The following EDIL3 variants were observed in gnomAD, a reference collection of about 807,000 sequenced individuals.
EDIL3 encodes EGF like and discoidin domains 3.
A neutral mutation model predicts 67.4 loss-of-function variants in EDIL3; 37 were observed. The ratio of observed to expected loss-of-function variants is 0.55; its 90% CI spans 0.42 to 0.72. The LOEUF is 0.72. Among genes scored for constraint, EDIL3 ranks in the 30% least tolerant of loss-of-function variants. The pLI, the probability that EDIL3 is intolerant of heterozygous loss-of-function variation, is 0.00. For synonymous variants in EDIL3, 195 were observed against 196.3 expected, an observed-to-expected ratio of 0.99 and a Z score of 0.05; for missense variants, 527 against 586.3, an observed-to-expected ratio of 0.90 and a Z score of 1.04.
intron 4 of EDIL3, among the ~76,000 whole-genome samples, chr5:84,175,848 A>G (rs1228958472): frequency 1.3e-5 from 2 of 152,154 alleles, no homozygotes; most frequent in East Asian, 3.9e-4. Context: ...TCAGGCTACC[A>G]AGCAAAAATT....
intron 1 of EDIL3, among the ~76,000 whole-genome samples, chr5:84,294,882 G>GT (rs1211667977): frequency 6.6e-6 from 1 of 152,126 alleles, no homozygotes; most frequent in Middle Eastern, 3.2e-3. Flanking sequence ...TACACTGCTG[G>GT]TAAGAAGCCC....
Position 83,940,776 on chromosome 5 carries a change from G to A in EDIL3, c.*2643C>T, listed in dbSNP as rs1476920638. The A allele has an allele frequency of 3.3e-5, 5 of 151,886 alleles. No individual in the cohort carries two copies. The highest frequency in any genetic ancestry group is 6.6e-5 in the Admixed American group (1 of 15,236). The allele number at this position is 151,886 out of a possible 1,614,324, so 9.4% of individuals were successfully genotyped here. A position where few individuals can be genotyped will look rare whatever the true frequency, so the allele number is the denominator to read the frequency against. ...TTCTGCACTTAATGACACATCAGAC[G>A]CATTGAGTATATTTCATAAGTTGTT... On this transcript the variant is annotated 3_prime_UTR_variant, in exon 11 of 11. Coordinates refer to ENST00000296591, the MANE Select transcript of EDIL3 (RefSeq NM_005711.5).
In EDIL3 at chr5:84,137,271, C is replaced by T. The variant is rs1455286443; in HGVS notation, c.439G>A (p.Gly147Ser). ...LVANYSCECP[G>S]EFMGRNCQYK... is the part of the protein sequence containing the mutation. ...TGACAATTTCTTCCCATAAATTCGC[C>T]TGGGCACTCACAGGAATAGTTAGCA... is the stretch of plus-strand genomic sequence containing the variant. The change falls in exon 5 of 11, where the codon GGC becomes AGC. Residue 147 changes from glycine (G) to serine (S), a missense_variant. Physicochemically the swap from Gly to Ser is moderately conservative, Grantham distance 56. Coordinates refer to ENST00000296591, the MANE Select transcript of EDIL3 (RefSeq NM_005711.5). 6.2e-7 allele frequency: 1 copy of T among 1,613,228 alleles called. No homozygotes were observed. The highest frequency in any genetic ancestry group is 8.5e-7 in the Non-Finnish European group (1 of 1,179,812).
intron 10 of EDIL3, among the ~76,000 whole-genome samples, chr5:83,959,955 A>G (rs917436720): frequency 1.3e-5 from 2 of 151,008 alleles, no homozygotes; most frequent in East Asian, 1.9e-4. Flanking sequence ...TTTGTTTTAT[A>G]AAATTCTTTT....
intron 4 of EDIL3, 128 bp from the exon 5 acceptor site, chr5:84,137,482 T>G: frequency 1.4e-6 from 1 of 707,696 alleles, no homozygotes; most frequent in Non-Finnish European, 2.3e-6. Flanking sequence ...TAGGCATGTG[T>G]GTGTTTAGTC....
chr5:83,998,046 A>G (rs930425138), intron 9 of EDIL3, among the ~76,000 whole-genome samples: 21 of 152,128 alleles, frequency 1.4e-4, no homozygotes, highest in African/African-American at 5.1e-4. Flanking sequence ...AAAACTTGAA[A>G]AGCAGTCTAG....
chr5:84,127,143 T>C (rs1044786178), intron 5 of EDIL3, among the ~76,000 whole-genome samples: 37 of 152,176 alleles, frequency 2.4e-4, no homozygotes, highest in African/African-American at 8.7e-4. Context: ...ATAATAGTGC[T>C]GAGTATTTAT....
intron 5 of EDIL3, among the ~76,000 whole-genome samples, chr5:84,111,994 G>C (rs1320639477): frequency 6.6e-6 from 1 of 152,102 alleles, no homozygotes; most frequent in Non-Finnish European, 1.5e-5. Context: ...ATAGACACAG[G>C]CAGGGAACAG....
intron 5 of EDIL3, among the ~76,000 whole-genome samples, chr5:84,136,773 T>C (rs348910): frequency 0.51 from 77,749 of 151,834 alleles, 20,420 homozygotes; most frequent in African/African-American, 0.64. Context: ...GGGCTCCTCT[T>C]GCTGAGGCCT....
In EDIL3 at chr5:84,236,583, A is replaced by G. The variant is rs145304699; in HGVS notation, c.197-6699T>C. 2.2e-4 allele frequency among the ~76,000 whole-genome samples: 34 copies of G among 152,108 alleles called. No individual in the cohort carries two copies. In the East Asian group the frequency reaches 6.4e-3, roughly 29 times the overall value. On this transcript the variant is annotated intron_variant, in intron 2 of 10. Coordinates refer to ENST00000296591, the MANE Select transcript of EDIL3 (RefSeq NM_005711.5). ...TAACCCCACTACCTTTTAAACTATA[A>G]CCGAAAGCCAGTTCTAAACAGAATG...
chr5:84,337,040 A>G (rs1411696055), intron 1 of EDIL3, among the ~76,000 whole-genome samples: 1 of 152,160 alleles, frequency 6.6e-6, no homozygotes, highest in East Asian at 1.9e-4. Flanking sequence ...GCACAAGAGT[A>G]CACCAGGCCA....
Position 84,283,150 on chromosome 5 carries a change from T to C in EDIL3, c.68-28938A>G, listed in dbSNP as rs536378922. ...GAGCAGATATAGAGCATAAGAAACA[T>C]ATAAAAGAGCTGACTATAAATGTCC... On this transcript the variant is annotated intron_variant, in intron 1 of 10. Transcript: ENST00000296591. Among the ~76,000 whole-genome samples, 3 of 152,188 alleles carry C rather than the reference T, an allele frequency of 2.0e-5. No homozygotes were observed. The East Asian group carries it at 5.8e-4, about 29-fold the overall frequency.
Position 84,066,556 on chromosome 5 carries a change from G to T in EDIL3, c.702C>A (p.Ala234=). 1 of 1,613,110 alleles carries T rather than the reference G, an allele frequency of 6.2e-7. No individual in the cohort carries two copies. The highest frequency in any genetic ancestry group is 8.5e-7 in the Non-Finnish European group (1 of 1,179,718). Residue 234 remains alanine (A), a synonymous_variant, in exon 7 of 11, where the codon GCC becomes GCA. Transcript: ENST00000296591. The part of the protein sequence containing the change: ...MRVTGVITQG[A]KRIGSPEYIK... ...TATACTCTGGGCTTCCAATCCTCTT[G>T]GCTCCTTGGGTAATCACACCAGTAA...
intron 4 of EDIL3, among the ~76,000 whole-genome samples, chr5:84,153,653 G>T (rs775314284): frequency 2.0e-4 from 30 of 152,084 alleles, no homozygotes; most frequent in Non-Finnish European, 3.7e-4. Flanking sequence ...AGTAGAGATG[G>T]GATTTCACCA....
chr5:84,311,569 T>G (rs1746390821), intron 1 of EDIL3, among the ~76,000 whole-genome samples: 1 of 148,406 alleles, frequency 6.7e-6, no homozygotes, highest in African/African-American at 2.5e-5. Context: ...TTTTTTTTTA[T>G]TTTTTTTTTA....
chr5:83,971,562 GT>G (rs1171035806), intron 9 of EDIL3, among the ~76,000 whole-genome samples: 4 of 151,258 alleles, frequency 2.6e-5, no homozygotes, highest in Admixed American at 6.6e-5. Context: ...AAATTTGGTT[GT>G]TTTTTTTATC....
chr5:84,209,190 A>T (rs1357500213), intron 3 of EDIL3, among the ~76,000 whole-genome samples: 1 of 151,162 alleles, frequency 6.6e-6, no homozygotes, highest in East Asian at 2.0e-4. Flanking sequence ...ACACATGGAC[A>T]CAGGAAGGGG....
chr5:84,168,362 T>A (rs1561451547), intron 4 of EDIL3, among the ~76,000 whole-genome samples: 1 of 152,162 alleles, frequency 6.6e-6, no homozygotes, highest in East Asian at 1.9e-4. Context: ...ATGGGTCTTT[T>A]AAAAATATCA....
intron 3 of EDIL3, among the ~76,000 whole-genome samples, chr5:84,200,161 C>T (rs1743802274): frequency 6.6e-6 from 1 of 151,978 alleles, no homozygotes; most frequent in African/African-American, 2.4e-5. Context: ...AAAGATAACT[C>T]TAAAACCTTT....
Sources: gnomAD v4.1 joint callset for allele counts (sites outside exome capture counted in the v4.1 genomes callset) on GRCh38, gnomAD v4.1.1 for gene constraint, MANE v1.5 for transcripts, NCBI Gene and HGNC (gene_info 2026-07-23, HGNC 2026-07-21) for gene names.